The following PCDHGB1 variants were observed in gnomAD, a reference collection of about 807,000 sequenced individuals.
PCDHGB1 encodes the protein protocadherin gamma-B1.
A neutral mutation model predicts 56.6 loss-of-function variants in PCDHGB1; 34 were observed. That is an observed-to-expected ratio of 0.60 (90% CI 0.46 to 0.80). The LOEUF is 0.80. Among genes scored for constraint, PCDHGB1 ranks in the 30% least tolerant of loss-of-function variants. The pLI is 0.00. For synonymous variants in PCDHGB1, 561 were observed against 505.9 expected (o/e 1.11, Z -1.46); for missense variants, 1,278 against 1,204.6 (o/e 1.06, Z -0.90).
intron 1 of PCDHGB1, chr5:141,419,310 A>G: frequency 6.2e-7 from 1 of 1,613,948 alleles, no homozygotes; most frequent in Non-Finnish European, 8.5e-7. Flanking sequence ...TTCGGGCTCA[A>G]CGGCCGTGTC....
chr5:141,430,235 G>T (rs1020445956), intron 1 of PCDHGB1, among the ~76,000 whole-genome samples: 3 of 128,670 alleles, frequency 2.3e-5, no homozygotes, highest in Non-Finnish European at 4.7e-5. Context: ...GTCAAAAAGA[G>T]AAACTCCTAG....
rs1229317913 is a variant in PCDHGB1 at position 141,489,752 on chromosome 5, C to T, written c.2410-5055C>T. ...GGCACCAATACTGTGAGCTTTTACACTCTAAGCCCCAACAGCCACTTCTCT... is the reference window on the plus strand; with the variant it reads ...GGCACCAATACTGTGAGCTTTTACATTCTAAGCCCCAACAGCCACTTCTCT... On this transcript the variant is annotated intron_variant, in intron 1 of 3. Transcript: ENST00000523390. The surrounding 1 kb of genome is among the most constrained non-coding windows in gnomAD (Gnocchi z 4.5). 1.2e-6 allele frequency: 2 copies of T among 1,614,018 alleles called. No individual in the cohort carries two copies. Among genetic ancestry groups the T allele is most frequent in the Non-Finnish European group, 1.7e-6 (2 of 1,179,980 alleles).
chr5:141,376,307 G>A, intron 1 of PCDHGB1: 1 of 1,614,192 alleles, frequency 6.2e-7, no homozygotes, highest in East Asian at 2.2e-5. Context: ...GCACTTTGTG[G>A]GCGTGGAAGG....
intron 1 of PCDHGB1, chr5:141,410,606 G>C: frequency 1.2e-6 from 2 of 1,607,214 alleles, no homozygotes; most frequent in Non-Finnish European, 1.7e-6. Flanking sequence ...TTCACATCCT[G>C]AGACTCTGAC....
At chr5:141,473,779 T>C (rs2099328680) in intron 1 of PCDHGB1, among the ~76,000 whole-genome samples, 1 of 152,204 alleles carries the variant, frequency 6.6e-6, no homozygotes, top group Non-Finnish European at 1.5e-5. Context: ...GGTATTTTAA[T>C]TCAAGAGCAG....
At chr5:141,446,657 A>G (rs2098510367) in intron 1 of PCDHGB1, among the ~76,000 whole-genome samples, 1 of 152,092 alleles carries the variant, frequency 6.6e-6, no homozygotes, top group African/African-American at 2.4e-5. Context: ...TTGTATTTTT[A>G]GTACAAGACA....
intron 1 of PCDHGB1, among the ~76,000 whole-genome samples, chr5:141,467,571 A>T (rs1228156610): frequency 6.6e-6 from 1 of 152,212 alleles, no homozygotes; most frequent in African/African-American, 2.4e-5. Context: ...ATGGCTATCC[A>T]GTTGTCCCAA....
At chr5:141,394,311 C>G in intron 1 of PCDHGB1, 3 of 1,613,986 alleles carry the variant, frequency 1.9e-6, no homozygotes, top group Non-Finnish European at 1.7e-6. Context: ...GCAGGGGGCG[C>G]CCCTGTCCTC....
chr5:141,364,450 C>T, intron 1 of PCDHGB1: 3 of 1,613,980 alleles, frequency 1.9e-6, no homozygotes, highest in Non-Finnish European at 2.5e-6. Context: ...AGGAGCTGGA[C>T]AAAGGCTCCT....
At chr5:141,433,202 T>C (rs1433315739) in intron 1 of PCDHGB1, 2 of 1,578,202 alleles carry the variant, frequency 1.3e-6, no homozygotes, top group Non-Finnish European at 1.7e-6. Context: ...ATATCAAATC[T>C]TCTTTCTTTT....
At chr5:141,368,863 T>C (rs1765900846) in intron 1 of PCDHGB1, among the ~76,000 whole-genome samples, 1 of 152,218 alleles carries the variant, frequency 6.6e-6, no homozygotes, top group African/African-American at 2.4e-5. Context: ...TTGGAATGTT[T>C]TGGAGCAAAG....
chr5:141,415,387 G>A (rs1347191224), intron 1 of PCDHGB1: 2 of 1,614,168 alleles, frequency 1.2e-6, no homozygotes. Context: ...CGGCTTGACA[G>A]GTGTGTCCGG....
At chr5:141,442,895 A>G (rs1381559903) in intron 1 of PCDHGB1, among the ~76,000 whole-genome samples, 5 of 152,182 alleles carry the variant, frequency 3.3e-5, no homozygotes, top group African/African-American at 1.2e-4. Context: ...CCTGCTTATC[A>G]CTTCTCCTTC....
chr5:141,443,392 T>C (rs151260637), intron 1 of PCDHGB1, among the ~76,000 whole-genome samples: 1,653 of 151,736 alleles, frequency 0.011, 7 homozygotes, highest in Middle Eastern at 0.038. Flanking sequence ...GGCTGAGGTG[T>C]GAGGATCACC....
intron 1 of PCDHGB1, chr5:141,388,947 A>T: frequency 6.2e-7 from 1 of 1,614,054 alleles, no homozygotes; most frequent in Non-Finnish European, 8.5e-7. Context: ...CAACCTAATT[A>T]TGGAGGACGC....
At position 141,374,373 on chromosome 5, in the gene PCDHGB1, C is replaced by A. The variant is rs370590731; in HGVS notation, c.2409+21704C>A. 7.4e-6 allele frequency: 12 copies of A among 1,613,934 alleles called. No homozygotes were observed. Among genetic ancestry groups the A allele is most frequent in the Non-Finnish European group, 8.5e-7 (1 of 1,179,910 alleles). On this transcript the variant is annotated intron_variant, in intron 1 of 3. Transcript: ENST00000523390. ...AGGATAGACCGCGAGGAGCTCTGTGCTCAGAGCCCGCGGTGTCTGGTGAGT... is the reference window on the plus strand; with the variant it reads ...AGGATAGACCGCGAGGAGCTCTGTGATCAGAGCCCGCGGTGTCTGGTGAGT...
chr5:141,455,143 T>C (rs984886337), intron 1 of PCDHGB1, among the ~76,000 whole-genome samples: 1 of 149,894 alleles, frequency 6.7e-6, no homozygotes, highest in Non-Finnish European at 1.5e-5. Flanking sequence ...CTGTGTTAAA[T>C]AAATATTAGT....
Position 141,352,170 on chromosome 5 carries a change from G to A in PCDHGB1, c.1910G>A (p.Arg637His), listed in dbSNP as rs1446316732. 2.5e-6 allele frequency: 4 copies of A among 1,613,280 alleles called. No individual in the cohort carries two copies. Among genetic ancestry groups the A allele is most frequent in the Non-Finnish European group, 2.5e-6 (3 of 1,179,772 alleles). The change falls in exon 1 of 4, where the codon CGC (arginine) becomes CAC (histidine). Residue 637 changes from arginine to histidine, a missense_variant. Transcript: ENST00000523390. ...GGCGACAGGGACGCGGCCCGCCAGC[G>A]CCTGCTGGTCGCTGTGCGTGATGGA... is the stretch of plus-strand genomic sequence containing the variant. ...ALGDRDAARQ[R>H]LLVAVRDGGQ...
At chr5:141,409,614 T>C in intron 1 of PCDHGB1, 1 of 1,613,880 alleles carries the variant, frequency 6.2e-7, no homozygotes, top group Non-Finnish European at 8.5e-7. Flanking sequence ...GGAGCCTCCA[T>C]TGCGCAAGTG....
Sources: allele counts gnomAD v4.1 joint callset (sites outside exome capture counted in the v4.1 genomes callset), GRCh38; gene constraint gnomAD v4.1.1; non-coding constraint Gnocchi (gnomAD v3.1); transcripts MANE v1.5; gene names NCBI Gene and HGNC (gene_info 2026-07-23, HGNC 2026-07-21).